Variants in PPP1R16B observed in about 807,000 individuals in gnomAD.
PPP1R16B encodes the protein protein phosphatase 1 regulatory inhibitor subunit 16B.
Under a neutral mutation model 61.7 loss-of-function variants are expected in PPP1R16B, and 14 were observed. That is an observed-to-expected ratio of 0.23 (90% CI 0.15 to 0.35). The LOEUF (loss-of-function observed/expected upper bound fraction) is 0.35. PPP1R16B is among the 10% of genes least tolerant of loss of function. The probability of loss-of-function intolerance (pLI) is 1.00; values close to 1 mark genes in which losing one functional copy is unlikely to be tolerated. For missense variants in PPP1R16B, 547 were observed against 752.5 expected (o/e 0.73, Z 3.19); for synonymous variants, 266 against 305.3 (o/e 0.87, Z 1.34).
intron 1 of PPP1R16B, among the ~76,000 whole-genome samples, chr20:38,831,237 A>T (rs1329112059): frequency 6.6e-6 from 1 of 152,120 alleles, no homozygotes; most frequent in African/African-American, 2.4e-5. Context: ...GTCCCCTTTA[A>T]GGGTTGATGA....
chr20:38,900,932 G>T (rs1323102598), intron 5 of PPP1R16B, among the ~76,000 whole-genome samples: 1 of 152,212 alleles, frequency 6.6e-6, no homozygotes, highest in Non-Finnish European at 1.5e-5. Context: ...ACACACGCAG[G>T]TGGCCGCAGC....
chr20:38,860,489 C>T (rs1402749261), intron 2 of PPP1R16B, among the ~76,000 whole-genome samples: 2 of 152,224 alleles, frequency 1.3e-5, no homozygotes, highest in Admixed American at 6.5e-5. Flanking sequence ...ACACATGGCT[C>T]GTAGTCACCA....
intron 6 of PPP1R16B, among the ~76,000 whole-genome samples, chr20:38,904,267 C>T (rs562643423): frequency 6.6e-6 from 1 of 152,334 alleles, no homozygotes; most frequent in South Asian, 2.1e-4. Context: ...GTCATTGGGT[C>T]CTCTAGACAC....
chr20:38,809,344 C>T (rs1284920327), intron 1 of PPP1R16B, among the ~76,000 whole-genome samples: 2 of 152,138 alleles, frequency 1.3e-5, no homozygotes, highest in East Asian at 1.9e-4. Flanking sequence ...AGCTGACTGC[C>T]ATTTTCCAGG....
intron 2 of PPP1R16B, among the ~76,000 whole-genome samples, chr20:38,861,188 T>TC (rs1259567766): frequency 6.6e-6 from 1 of 152,178 alleles, no homozygotes; most frequent in Non-Finnish European, 1.5e-5. Flanking sequence ...GGAAAGTCAC[T>TC]CAACCTCTCT....
chr20:38,892,516 C>G (rs976388155), intron 3 of PPP1R16B, among the ~76,000 whole-genome samples: 1 of 152,104 alleles, frequency 6.6e-6, no homozygotes, highest in Non-Finnish European at 1.5e-5. Context: ...ATTTTTTCAA[C>G]AAATACCTAT....
At chr20:38,905,525 C>T (rs995162965) in intron 6 of PPP1R16B, among the ~76,000 whole-genome samples, 1 of 152,162 alleles carries the variant, frequency 6.6e-6, no homozygotes. Flanking sequence ...TCAGAAATCA[C>T]AAACAGGATA....
intron 2 of PPP1R16B, chr20:38,872,787 GC>G (rs2085139413): frequency 6.5e-6 from 1 of 153,116 alleles, no homozygotes; most frequent in Non-Finnish European, 1.5e-5. Flanking sequence ...GGTGGCGCAT[GC>G]CCGTAGTCCC....
chr20:38,806,082 G>A lies in PPP1R16B; in HGVS notation c.-102+290G>A, dbSNP rs571332879. On this transcript the variant is annotated intron_variant, in intron 1 of 10. Coordinates refer to ENST00000299824, the MANE Select transcript of PPP1R16B (RefSeq NM_015568.4). This position sits in a 1 kb window ranked among gnomAD's most constrained non-coding sequence, Gnocchi z 4.5. ...GCGCATTGGCAGGTTGTTGGCTGCG[G>A]CCGTCGTAGACCGATCTTGGGGCGG... 6.6e-6 allele frequency among the ~76,000 whole-genome samples: 1 copy of A among 150,840 alleles called. No homozygotes were observed. Among genetic ancestry groups the A allele is most frequent in the African/African-American group, 2.4e-5 (1 of 41,036 alleles).
Position 38,819,543 on chromosome 20 carries a change from C to T in PPP1R16B, c.-102+13751C>T, listed in dbSNP as rs1464935399. On this transcript the variant is annotated intron_variant, in intron 1 of 10. Coordinates refer to ENST00000299824, the MANE Select transcript of PPP1R16B (RefSeq NM_015568.4). ...ACTATAGAAGACTTTTTTCATGTAA[C>T]TCCTATTAACATCCTCTGGCGCTAC... Among the ~76,000 whole-genome samples the T allele has an allele frequency of 3.3e-5, 5 of 151,958 alleles. No individual in the cohort carries two copies. The East Asian group carries it at 9.6e-4, about 29-fold the overall frequency.
In PPP1R16B at chr20:38,907,943, C is replaced by A. The variant is rs756673562; in HGVS notation, c.1028+8C>A. 2 of 1,614,064 alleles carry A rather than the reference C, an allele frequency of 1.2e-6. No homozygotes were observed. Among genetic ancestry groups the A allele is most frequent in the East Asian group, 4.5e-5 (2 of 44,888 alleles). On this transcript the variant is annotated splice_region_variant and intron_variant, in intron 9 of 10. Coordinates refer to ENST00000299824, the MANE Select transcript of PPP1R16B (RefSeq NM_015568.4). This position sits in a 1 kb window ranked among gnomAD's most constrained non-coding sequence, Gnocchi z 4.5. Reference sequence around the variant, plus strand: ...CAGCGCAGGCAGCCGTGGGTGAGTCCGGGGCAGGGCAGCCAGGAGTCCCTG... The same window carrying A: ...CAGCGCAGGCAGCCGTGGGTGAGTCAGGGGCAGGGCAGCCAGGAGTCCCTG...
intron 1 of PPP1R16B, among the ~76,000 whole-genome samples, chr20:38,825,231 G>A (rs2084798415): frequency 6.6e-6 from 1 of 152,178 alleles, no homozygotes; most frequent in Non-Finnish European, 1.5e-5. Context: ...TGGCGACAGT[G>A]CCTTGGTCCT....
At chr20:38,836,946 T>C (rs1461253228) in intron 2 of PPP1R16B, among the ~76,000 whole-genome samples, 1 of 152,248 alleles carries the variant, frequency 6.6e-6, no homozygotes, top group Admixed American at 6.5e-5. Context: ...TCTTTTGCAT[T>C]ACTTTCCTAG....
chr20:38,844,297 T>C (rs2084924923), intron 2 of PPP1R16B, among the ~76,000 whole-genome samples: 1 of 152,202 alleles, frequency 6.6e-6, no homozygotes, highest in Admixed American at 6.5e-5. Context: ...GCTATAAAAG[T>C]TTTCTAAAAT....
chr20:38,823,709 G>A (rs1005735960), intron 1 of PPP1R16B, among the ~76,000 whole-genome samples: 3 of 152,128 alleles, frequency 2.0e-5, no homozygotes, highest in African/African-American at 7.2e-5. Context: ...CACCCATAGG[G>A]GGTTGAGCCT....
Position 38,806,228 on chromosome 20 carries a change from G to C in PPP1R16B, c.-102+436G>C, listed in dbSNP as rs1391030487. ...CCCCCCCCCGCGCACTCTCCCGGCCGGGCATGGTGGTGCCGCCCCCTCGCG... is the reference window on the plus strand; with the variant it reads ...CCCCCCCCCGCGCACTCTCCCGGCCCGGCATGGTGGTGCCGCCCCCTCGCG... On this transcript the variant is annotated intron_variant, in intron 1 of 10. Transcript: ENST00000299824. The surrounding 1 kb of genome is among the most constrained non-coding windows in gnomAD (Gnocchi z 4.5). Among the ~76,000 whole-genome samples the C allele has an allele frequency of 6.6e-6, 1 of 151,894 alleles. No homozygotes were observed. The highest frequency in any genetic ancestry group is 1.5e-5 in the Non-Finnish European group (1 of 67,948).
At chr20:38,834,528 A>AG (rs2084856877) in intron 1 of PPP1R16B, among the ~76,000 whole-genome samples, 2 of 151,778 alleles carry the variant, frequency 1.3e-5, no homozygotes, top group Non-Finnish European at 2.9e-5. Flanking sequence ...CAAGGATGTA[A>AG]TTTTTTTTTA....
In PPP1R16B at chr20:38,853,523, G is replaced by A. The variant is rs780920348; in HGVS notation, c.250+17348G>A. 1.3e-4 allele frequency among the ~76,000 whole-genome samples: 20 copies of A among 152,148 alleles called. 1 individual carries two copies. Among genetic ancestry groups the A allele is most frequent in the Admixed American group, 9.2e-4 (14 of 15,276 alleles). On this transcript the variant is annotated intron_variant, in intron 2 of 10. Coordinates refer to ENST00000299824, the MANE Select transcript of PPP1R16B (RefSeq NM_015568.4). ...AGAAGCTCAGGACACAGGCTTTTTG[G>A]CTTAAGGACCCCAAATTTCCTGGGC... is the stretch of plus-strand genomic sequence containing the variant.
At chr20:38,862,716 G>C (rs1270741247) in intron 2 of PPP1R16B, among the ~76,000 whole-genome samples, 1 of 152,214 alleles carries the variant, frequency 6.6e-6, no homozygotes, top group Non-Finnish European at 1.5e-5. Context: ...TCAGGAGGGA[G>C]AGCATGGCCA....
Sources: gnomAD v4.1 joint callset for allele counts (sites outside exome capture counted in the v4.1 genomes callset) on GRCh38, gnomAD v4.1.1 for gene constraint, Gnocchi (gnomAD v3.1) non-coding constraint, MANE v1.5 for transcripts, NCBI Gene and HGNC (gene_info 2026-07-23, HGNC 2026-07-21) for gene names.